EPB41L4B: variants seen among roughly 807,000 people sequenced by gnomAD.
EPB41L4B encodes erythrocyte membrane protein band 4.1 like 4B.
EPB41L4B carries 30 observed loss-of-function variants against 112.5 expected under a neutral mutation model. The observed-to-expected ratio is 0.27, with a 90% CI of 0.20 to 0.36. The LOEUF (loss-of-function observed/expected upper bound fraction) is 0.36. Ranked by LOEUF, EPB41L4B falls within the 10% of genes least tolerant of loss-of-function variation. EPB41L4B has a pLI of 1.00. For missense variants in EPB41L4B, 1,024 were observed against 1,133.3 expected (o/e 0.90, Z 1.38); for synonymous variants, 408 against 439.7 (o/e 0.93, Z 0.90).
chr9:109,274,026 C>T (rs1225952253), intron 2 of EPB41L4B, among the ~76,000 whole-genome samples: 2 of 152,144 alleles, frequency 1.3e-5, no homozygotes, highest in Admixed American at 6.5e-5. Context: ...GGCTATTGAA[C>T]CCTCCCAGCA....
At chr9:109,238,691 G>A (rs983692355) in intron 15 of EPB41L4B, among the ~76,000 whole-genome samples, 1 of 152,124 alleles carries the variant, frequency 6.6e-6, no homozygotes. Context: ...GGTTATTACT[G>A]GAACACAGAA....
chr9:109,257,712 C>T (rs777320221), intron 7 of EPB41L4B, among the ~76,000 whole-genome samples: 4 of 151,980 alleles, frequency 2.6e-5, no homozygotes, highest in Admixed American at 6.6e-5. Flanking sequence ...AAGAGACAGA[C>T]GGCCAGGTGT....
At chr9:109,192,246 C>A in intron 22 of EPB41L4B, 32 bp downstream of exon 22, 1 of 1,574,138 alleles carries the variant, frequency 6.4e-7, no homozygotes. Context: ...TGGTCTGTGA[C>A]TTTTCTGGTT....
chr9:109,255,368 T>C, intron 11 of EPB41L4B, 143 bp downstream of exon 11: 1 of 886,000 alleles, frequency 1.1e-6, no homozygotes, highest in Non-Finnish European at 1.7e-6. Context: ...AGAGCTTCAG[T>C]TACTCACCTT....
chr9:109,296,527 T>C (rs1836735608), intron 1 of EPB41L4B, among the ~76,000 whole-genome samples: 3 of 152,166 alleles, frequency 2.0e-5, no homozygotes, highest in South Asian at 4.2e-4. Context: ...TTGGCCTGGG[T>C]TCACCTATGG....
intron 18 of EPB41L4B, among the ~76,000 whole-genome samples, chr9:109,205,957 A>T (rs1306141698): frequency 6.6e-6 from 1 of 151,886 alleles, no homozygotes; most frequent in Non-Finnish European, 1.5e-5. Flanking sequence ...TTATATCACA[A>T]CCCCCAAATA....
chr9:109,281,760 G>A (rs1040210184), intron 1 of EPB41L4B, among the ~76,000 whole-genome samples: 1 of 151,838 alleles, frequency 6.6e-6, no homozygotes. Flanking sequence ...CATAACAAAT[G>A]TTGGAGAAGT....
At chr9:109,215,566 CA>C (rs1833332361) in intron 16 of EPB41L4B, among the ~76,000 whole-genome samples, 1 of 152,004 alleles carries the variant, frequency 6.6e-6, no homozygotes, top group Non-Finnish European at 1.5e-5. Context: ...AGCATAATTA[CA>C]ACCTCTGCCT....
Position 109,305,930 on chromosome 9 carries a change from A to G in EPB41L4B, c.306+14211T>C, listed in dbSNP as rs115947478. 6.9e-3 allele frequency among the ~76,000 whole-genome samples: 1,046 copies of G among 152,216 alleles called. 12 individuals are homozygous for G. The highest frequency in any genetic ancestry group is 0.024 in the African/African-American group (1,004 of 41,518). ...CAGAGCGAGACTCTGTCTCAAAAAA[A>G]TATAATTAAATTAAATTAAAAAAAT... is the stretch of plus-strand genomic sequence containing the variant. On this transcript the variant is annotated intron_variant, in intron 1 of 25. Transcript: ENST00000374566.
intron 22 of EPB41L4B, 119 bp from the exon 23 acceptor site, chr9:109,185,724 C>A (rs1832237480): frequency 9.9e-6 from 7 of 703,944 alleles, no homozygotes. Flanking sequence ...GATCTGGCAA[C>A]TCCAGACTGT....
At chr9:109,312,088 A>G (rs989632533) in intron 1 of EPB41L4B, among the ~76,000 whole-genome samples, 1 of 152,222 alleles carries the variant, frequency 6.6e-6, no homozygotes. Context: ...TCTAGAATAC[A>G]CACAAAAGAG....
At chr9:109,225,007 G>A (rs2118876042) in intron 15 of EPB41L4B, among the ~76,000 whole-genome samples, 1 of 152,302 alleles carries the variant, frequency 6.6e-6, no homozygotes, top group Non-Finnish European at 1.5e-5. Flanking sequence ...TCTATTTAAG[G>A]CAGCAAGTGC....
intron 15 of EPB41L4B, among the ~76,000 whole-genome samples, chr9:109,224,625 T>C (rs911148541): frequency 2.0e-5 from 3 of 152,108 alleles, no homozygotes; most frequent in Non-Finnish European, 4.4e-5. Context: ...AAAATTATAT[T>C]GCAGCGATGG....
At chr9:109,191,507 G>C (rs1195075845) in intron 22 of EPB41L4B, among the ~76,000 whole-genome samples, 1 of 152,166 alleles carries the variant, frequency 6.6e-6, no homozygotes, top group African/African-American at 2.4e-5. Flanking sequence ...GGTGCAAGCA[G>C]AGGCTGGACA....
At chr9:109,232,356 T>C (rs1489824530) in intron 15 of EPB41L4B, among the ~76,000 whole-genome samples, 1 of 152,106 alleles carries the variant, frequency 6.6e-6, no homozygotes, top group Non-Finnish European at 1.5e-5. Flanking sequence ...TGTGCCTTTA[T>C]TCTGTTTTTT....
chr9:109,213,110 C>G (rs1833241115), intron 17 of EPB41L4B, among the ~76,000 whole-genome samples: 3 of 152,166 alleles, frequency 2.0e-5, no homozygotes, highest in African/African-American at 7.2e-5. Flanking sequence ...GCTGTGCAAC[C>G]TTGAGAAAGT....
Position 109,293,379 on chromosome 9 carries a change from CTT to C in EPB41L4B, c.307-13460_307-13459del, listed in dbSNP as rs3061572. ...AGGAAGCAGAATAAACATATGCATT[CTT>C]TTTTTTTTTTTTTTCCTTGAGACGG... On this transcript the variant is annotated intron_variant, in intron 1 of 25. Transcript: ENST00000374566. 9.8e-4 allele frequency among the ~76,000 whole-genome samples: 143 copies of C among 145,992 alleles called. No homozygotes were observed. In the Middle Eastern group the frequency reaches 0.01, roughly 11 times the overall value.
chr9:109,271,181 C>T (rs942115513), intron 2 of EPB41L4B, among the ~76,000 whole-genome samples: 2 of 152,258 alleles, frequency 1.3e-5, no homozygotes, highest in African/African-American at 4.8e-5. Context: ...GGGTGGCTGA[C>T]TGCTTTGCCC....
intron 6 of EPB41L4B, among the ~76,000 whole-genome samples, chr9:109,260,816 G>A (rs1053073334): frequency 6.6e-6 from 1 of 152,130 alleles, no homozygotes; most frequent in African/African-American, 2.4e-5. Context: ...TGTCTGTCTC[G>A]GCTCTGGGGC....
Sources: allele counts gnomAD v4.1 joint callset (sites outside exome capture counted in the v4.1 genomes callset), GRCh38; gene constraint gnomAD v4.1.1; transcripts MANE v1.5; gene names NCBI Gene and HGNC (gene_info 2026-07-23, HGNC 2026-07-21).